CELSR1: variants seen among roughly 807,000 people sequenced by gnomAD.
CELSR1 encodes adhesion G protein-coupled receptor C1.
A neutral mutation model predicts 249.1 loss-of-function variants in CELSR1; 110 were observed. The observed-to-expected ratio is 0.44, with a 90% CI of 0.38 to 0.52. The LOEUF is 0.52. Ranked by LOEUF, CELSR1 falls within the 20% of genes least tolerant of loss-of-function variation. The probability of loss-of-function intolerance (pLI) is 0.00; values close to 1 mark genes in which losing one functional copy is unlikely to be tolerated. For synonymous variants in CELSR1, 2,113 were observed against 1,900.0 expected (o/e 1.11, Z -2.92); for missense variants, 4,109 against 4,296.4 (o/e 0.96, Z 1.22).
chr22:46,528,311 C>T (rs2080758367), intron 1 of CELSR1, among the ~76,000 whole-genome samples: 1 of 152,190 alleles, frequency 6.6e-6, no homozygotes, highest in African/African-American at 2.4e-5. Context: ...ACCATCCACT[C>T]TCCACCAAAG....
Position 46,411,651 on chromosome 22 carries a change from T to C in CELSR1, c.4720A>G (p.Ile1574Val), listed in dbSNP as rs755315022. ...TGGGCAGCGCAGCTGTAGTTCCCGA[T>C]GTCCTTTCCAAAGCGCACAGCCATG... ...TTMAVRFGKD[I>V]GNYSCAAQGT... The change falls in exon 6 of 35, where the codon ATC becomes GTC. Residue 1574 changes from isoleucine (I) to valine (V), a missense_variant. By Grantham distance (29) the Ile-to-Val change is conservative (BLOSUM62 3). Around this residue, in one of 7 missense-constraint regions of CELSR1, gnomAD observed 453 missense variants for 492.0 expected, o/e 0.92. Transcript: ENST00000674500. This position sits in a 1 kb window ranked among gnomAD's most constrained non-coding sequence, Gnocchi z 4.2. 1 of 1,614,230 alleles carries C rather than the reference T, an allele frequency of 6.2e-7. No homozygotes were observed. Among genetic ancestry groups the C allele is most frequent in the Non-Finnish European group, 8.5e-7 (1 of 1,180,048 alleles).
chr22:46,536,832 G>T lies in CELSR1; in HGVS notation c.339C>A (p.Gly113=). 8.2e-7 allele frequency: 1 copy of T among 1,216,924 alleles called. No homozygotes were observed. The highest frequency in any genetic ancestry group is 1.0e-6 in the Non-Finnish European group (1 of 977,458). 75.4% of individuals were successfully genotyped at this position (1,216,924 alleles called of 1,614,324 possible). The change falls in exon 1 of 35, where the codon GGC becomes GGA. Residue 113 remains glycine (G), a synonymous_variant. Transcript: ENST00000674500. ...CGCAGAGCCGGGCACGGGCTCCGCA[G>T]CCGGGAAGGTGCGTGCGCGCCCGCA... is the stretch of plus-strand genomic sequence containing the variant. ...RRLRARTHLP[G]CGARARLCGT...
intron 20 of CELSR1, among the ~76,000 whole-genome samples, chr22:46,382,841 G>A (rs976984327): frequency 6.6e-6 from 1 of 152,208 alleles, no homozygotes; most frequent in Non-Finnish European, 1.5e-5. Flanking sequence ...GAGGTCCCTA[G>A]AGGAGTCAAA....
rs1264890208 is a variant in CELSR1, at chr22:46,445,487, T to C, written c.4184-6076A>G. 6.6e-6 allele frequency among the ~76,000 whole-genome samples: 1 copy of C among 152,100 alleles called. No individual in the cohort carries two copies. Among genetic ancestry groups the C allele is most frequent in the Non-Finnish European group, 1.5e-5 (1 of 68,022 alleles). ...TCCAGCCTGGGTGACAGAGCAAGAC[T>C]GTCTCTAAAAAAATGAATAAAAAAT... is the stretch of plus-strand genomic sequence containing the variant. On this transcript the variant is annotated intron_variant, in intron 2 of 34. Coordinates refer to ENST00000674500, the MANE Select transcript of CELSR1 (RefSeq NM_001378328.1). The surrounding 1 kb of genome is among the most constrained non-coding windows in gnomAD (Gnocchi z 4.4).
In CELSR1 at chr22:46,407,588, C is replaced by T. The variant is rs1177428890; in HGVS notation, c.5226+1408G>A. Among the ~76,000 whole-genome samples, 2 of 151,964 alleles carry T rather than the reference C, an allele frequency of 1.3e-5. No individual in the cohort carries two copies. The highest frequency in any genetic ancestry group is 2.1e-4 in the South Asian group (1 of 4,828). On this transcript the variant is annotated intron_variant, in intron 9 of 34. Coordinates refer to ENST00000674500, the MANE Select transcript of CELSR1 (RefSeq NM_001378328.1). This position sits in a 1 kb window ranked among gnomAD's most constrained non-coding sequence, Gnocchi z 4.8. ...CAGAAGTTGCAGTGAGCTGAGGTTA[C>T]GCCGTCGCACTCCAGCCTGGGCAAC...
At chr22:46,420,611 T>C (rs1569150961) in intron 5 of CELSR1, among the ~76,000 whole-genome samples, 1 of 150,136 alleles carries the variant, frequency 6.7e-6, no homozygotes, top group African/African-American at 2.5e-5. Flanking sequence ...TTGCACAATA[T>C]ACTCACCTGT....
intron 5 of CELSR1, among the ~76,000 whole-genome samples, chr22:46,415,697 T>G (rs2079391892): frequency 6.6e-6 from 1 of 152,064 alleles, no homozygotes; most frequent in Admixed American, 6.5e-5. Flanking sequence ...CCTGAAGAAC[T>G]TTCGGGAAGA....
rs544982317 is a variant in CELSR1 at position 46,473,261 on chromosome 22, G to A, written c.3545-8916C>T. On this transcript the variant is annotated intron_variant, in intron 1 of 34. Transcript: ENST00000674500. This position sits in a 1 kb window ranked among gnomAD's most constrained non-coding sequence, Gnocchi z 6.6. ...CTGAATGTGCCTGGTAAGGTGACTC[G>A]GGCTGAGTGGCGGGGCCCAGATTAA... 1.3e-4 allele frequency among the ~76,000 whole-genome samples: 20 copies of A among 152,164 alleles called. No individual in the cohort carries two copies. The highest frequency in any genetic ancestry group is 1.2e-3 in the Admixed American group (18 of 15,272).
rs180812899 is a variant in CELSR1, at chr22:46,526,570, T to G, written c.3544+7057A>C. Among the ~76,000 whole-genome samples the G allele has an allele frequency of 2.6e-3, 393 of 152,214 alleles. 1 individual carries two copies. The highest frequency in any genetic ancestry group is 4.4e-3 in the Non-Finnish European group (302 of 68,006). On this transcript the variant is annotated intron_variant, in intron 1 of 34. Coordinates refer to ENST00000674500, the MANE Select transcript of CELSR1 (RefSeq NM_001378328.1). This position sits in a 1 kb window ranked among gnomAD's most constrained non-coding sequence, Gnocchi z 4.7. ...CTGCCCTTGGCTAACCCATCACATCTCTGTCCCCAGGCTCTCCAACCGCCA... is the reference window on the plus strand; with the variant it reads ...CTGCCCTTGGCTAACCCATCACATCGCTGTCCCCAGGCTCTCCAACCGCCA...
rs555276068 is a variant in CELSR1, at chr22:46,392,555, CTTTGT to C, written c.5965-744_5965-740del. ...TGGGTTTTTATTACATTTTGTATAA[CTTTGT>C]TTTTTTATTTTTTTGAGATGGGGTC... On this transcript the variant is annotated intron_variant, in intron 14 of 34. Coordinates refer to ENST00000674500, the MANE Select transcript of CELSR1 (RefSeq NM_001378328.1). 8.8e-3 allele frequency among the ~76,000 whole-genome samples: 1,339 copies of C among 152,180 alleles called. 14 individuals carry two copies. Among genetic ancestry groups the C allele is most frequent in the Non-Finnish European group, 0.011 (762 of 68,002 alleles).
At chr22:46,368,257 C>T (rs77607877) in intron 27 of CELSR1, among the ~76,000 whole-genome samples, 5,214 of 152,230 alleles carry the variant, frequency 0.034, 317 homozygotes, top group African/African-American at 0.12. Context: ...TGAGCTCTGC[C>T]TCAGTCTCCC....
In CELSR1 at chr22:46,395,324, C is replaced by T. The variant is rs1311958718; in HGVS notation, c.5844-1062G>A. On this transcript the variant is annotated intron_variant, in intron 13 of 34. Transcript: ENST00000674500. This position sits in a 1 kb window ranked among gnomAD's most constrained non-coding sequence, Gnocchi z 5.5. The stretch of plus-strand genomic sequence containing the variant: ...GGGGTTCCCTAAGACCAGGTCCTGC[C>T]ACTTTAGTGCTGGGCCCCCACGGCC... 6.6e-6 allele frequency among the ~76,000 whole-genome samples: 1 copy of T among 151,426 alleles called. No homozygotes were observed. The highest frequency in any genetic ancestry group is 1.5e-5 in the Non-Finnish European group (1 of 67,514).
chr22:46,456,628 A>T, intron 2 of CELSR1, among the ~76,000 whole-genome samples: 1 of 138,576 alleles, frequency 7.2e-6, no homozygotes, highest in Non-Finnish European at 1.5e-5. Context: ...GTGCCGCTGC[A>T]CTTCAGCCTG....
At chr22:46,385,372 G>C (rs1173061159) in intron 19 of CELSR1, among the ~76,000 whole-genome samples, 1 of 152,208 alleles carries the variant, frequency 6.6e-6, no homozygotes, top group Non-Finnish European at 1.5e-5. Flanking sequence ...TGGGATTACA[G>C]GTGTGAACTA....
rs1168853329 is a variant in CELSR1 at position 46,434,511 on chromosome 22, C to T, written c.4523-1030G>A. On this transcript the variant is annotated intron_variant, in intron 4 of 34. Transcript: ENST00000674500. The surrounding 1 kb of genome is among the most constrained non-coding windows in gnomAD (Gnocchi z 4.9). The stretch of plus-strand genomic sequence containing the variant: ...ACAGAGCCCGGAGGGCTATGGCCAC[C>T]TCTCCCATGGTGGTTGGCTGCTGTT... Among the ~76,000 whole-genome samples, 3 of 152,242 alleles carry T rather than the reference C, an allele frequency of 2.0e-5. No homozygotes were observed. The highest frequency in any genetic ancestry group is 4.8e-5 in the African/African-American group (2 of 41,460).
At chr22:46,507,017 C>T (rs1051874713) in intron 1 of CELSR1, among the ~76,000 whole-genome samples, 1 of 152,126 alleles carries the variant, frequency 6.6e-6, no homozygotes, top group African/African-American at 2.4e-5. Flanking sequence ...GAAACCCCGA[C>T]TCTACTAAAA....
rs1371136791 is a variant in CELSR1 at position 46,361,566 on chromosome 22, C to T, written c.*1657G>A. Reference sequence around the variant, plus strand: ...CTAGAGTTTTTTATCTTCGAAAGACCACTCACCTGGTAAGGCACATGTATA... The same window carrying T: ...CTAGAGTTTTTTATCTTCGAAAGACTACTCACCTGGTAAGGCACATGTATA... On this transcript the variant is annotated 3_prime_UTR_variant, in exon 35 of 35. Coordinates refer to ENST00000674500, the MANE Select transcript of CELSR1 (RefSeq NM_001378328.1). 1 of 152,184 alleles carries T rather than the reference C, an allele frequency of 6.6e-6. No homozygotes were observed. Among genetic ancestry groups the T allele is most frequent in the East Asian group, 1.9e-4 (1 of 5,202 alleles). 9.4% of individuals were successfully genotyped at this position (152,184 alleles called of 1,614,324 possible). A position where few individuals can be genotyped will look rare whatever the true frequency, so the allele number is the denominator to read the frequency against.
chr22:46,528,541 C>T (rs1379824107), intron 1 of CELSR1, among the ~76,000 whole-genome samples: 1 of 152,234 alleles, frequency 6.6e-6, no homozygotes, highest in Non-Finnish European at 1.5e-5. Context: ...CACGGACACA[C>T]ACTCAAAGTG....
At chr22:46,403,410 A>T (rs2079229020) in intron 9 of CELSR1, among the ~76,000 whole-genome samples, 1 of 145,604 alleles carries the variant, frequency 6.9e-6, no homozygotes, top group Non-Finnish European at 1.5e-5. Context: ...AAAAAAAAAT[A>T]GCCAGGCGTG....
Sources: allele counts gnomAD v4.1 joint callset (sites outside exome capture counted in the v4.1 genomes callset), GRCh38; gene constraint gnomAD v4.1.1; regional missense constraint gnomAD v4.1.1; non-coding constraint Gnocchi (gnomAD v3.1); transcripts MANE v1.5; gene names NCBI Gene and HGNC (gene_info 2026-07-23, HGNC 2026-07-21).